Variants in PCTP observed in about 807,000 individuals in gnomAD.
PCTP encodes the protein START domain-containing protein 2.
PCTP carries 27 observed loss-of-function variants against 31.0 expected under a neutral mutation model. The ratio of observed to expected loss-of-function variants is 0.87; its 90% confidence interval spans 0.64 to 1.20. The LOEUF is 1.20. Among genes scored for constraint, PCTP ranks in the 50% most tolerant of loss-of-function variants. The pLI, the probability that PCTP is intolerant of heterozygous loss-of-function variation, is 0.00. For missense variants in PCTP, 287 were observed against 268.2 expected, an observed-to-expected ratio of 1.07 and a Z score of -0.49; for synonymous variants, 108 against 101.2, an observed-to-expected ratio of 1.07 and a Z score of -0.40.
chr17:55,758,582 G>A (rs574287536), intron 1 of PCTP, among the ~76,000 whole-genome samples: 14 of 152,236 alleles, frequency 9.2e-5, no homozygotes, highest in Non-Finnish European at 1.6e-4. Context: ...GATTACCAGC[G>A]TGATTGATAG....
At chr17:55,803,891 G>GC (rs1912479643) in intron 3 of PCTP, among the ~76,000 whole-genome samples, 1 of 125,194 alleles carries the variant, frequency 8.0e-6, no homozygotes, top group Admixed American at 7.5e-5. Flanking sequence ...CTTCTGCAGA[G>GC]CAAAAAAAAA....
rs572274694 is a variant in PCTP, at chr17:55,841,523, G to C, written n.506-1204G>C. ...TAAAACATTCTTGAGTCACTACTTT[G>C]GTATTGCCACTGAGAAGAGCTCTCC... On this transcript the variant is annotated intron_variant and non_coding_transcript_variant, in intron 5 of 5. Transcript: ENST00000576221. Among the ~76,000 whole-genome samples, 22 of 152,224 alleles carry C rather than the reference G, an allele frequency of 1.4e-4. 1 individual carries two copies. In the South Asian group the frequency reaches 4.6e-3, roughly 32 times the overall value.
chr17:55,848,039 C>T, the PCTP span, among the ~76,000 whole-genome samples: 1 of 152,152 alleles, frequency 6.6e-6, no homozygotes, highest in African/African-American at 2.4e-5. Context: ...TCTCATGCTT[C>T]AGCCTCCTGA....
At chr17:55,832,951 T>A (rs985518692) in intron 5 of PCTP, among the ~76,000 whole-genome samples, 12 of 152,188 alleles carry the variant, frequency 7.9e-5, no homozygotes, top group Admixed American at 3.9e-4. Flanking sequence ...GAGACCATCC[T>A]TCTCCTCTGG....
chr17:55,753,032 T>A (rs1223071853), intron 1 of PCTP, among the ~76,000 whole-genome samples: 3 of 152,244 alleles, frequency 2.0e-5, no homozygotes, highest in African/African-American at 7.2e-5. Context: ...ATTACAGGGA[T>A]GAGCCACCAC....
intron 3 of PCTP, among the ~76,000 whole-genome samples, chr17:55,816,308 T>C (rs1274233967): frequency 6.6e-6 from 1 of 152,324 alleles, no homozygotes; most frequent in Middle Eastern, 3.4e-3. Context: ...AATTTTTGAC[T>C]CTATGAAATT....
chr17:55,817,548 GGTGCTCCTGCT>G (rs1912963731), intron 3 of PCTP, among the ~76,000 whole-genome samples: 1 of 152,156 alleles, frequency 6.6e-6, no homozygotes, highest in African/African-American at 2.4e-5. Flanking sequence ...AGAATGGGAG[GGTGCTCCTGCT>G]GTGCATTTAA....
intron 3 of PCTP, among the ~76,000 whole-genome samples, chr17:55,815,756 C>G (rs184488927): frequency 6.6e-6 from 1 of 152,172 alleles, no homozygotes; most frequent in Non-Finnish European, 1.5e-5. Context: ...GCATCGGGAA[C>G]CTGCCAACAG....
At chr17:55,840,182 G>C (rs892233074) in intron 5 of PCTP, among the ~76,000 whole-genome samples, 7 of 152,078 alleles carry the variant, frequency 4.6e-5, no homozygotes, top group South Asian at 4.1e-4. Flanking sequence ...GGGACAGGGT[G>C]GGGGTGGAAA....
chr17:55,798,319 G>C (rs1912253534), intron 3 of PCTP, among the ~76,000 whole-genome samples: 1 of 151,984 alleles, frequency 6.6e-6, no homozygotes, highest in Admixed American at 6.6e-5. Flanking sequence ...TGGCTGAACA[G>C]CTTATACAAT....
downstream of PCTP, among the ~76,000 whole-genome samples, chr17:55,844,618 T>C (rs1041434539): frequency 6.6e-6 from 1 of 152,020 alleles, no homozygotes; most frequent in East Asian, 1.9e-4. Flanking sequence ...AGAATTATCA[T>C]TTAGGTTCTC....
At chr17:55,835,387 T>G (rs1278089624) in intron 5 of PCTP, among the ~76,000 whole-genome samples, 1 of 152,234 alleles carries the variant, frequency 6.6e-6, no homozygotes, top group Non-Finnish European at 1.5e-5. Flanking sequence ...TTTCCTAGCT[T>G]GGTTCACGAC....
chr17:55,805,594 A>T (rs920520445), intron 3 of PCTP, among the ~76,000 whole-genome samples: 1 of 151,946 alleles, frequency 6.6e-6, no homozygotes, highest in Admixed American at 6.6e-5. Flanking sequence ...ATATATGTAT[A>T]TATATACATA....
Position 55,835,583 on chromosome 17 carries a change from T to G in PCTP, n.506-7144T>G, listed in dbSNP as rs1438632883. On this transcript the variant is annotated intron_variant and non_coding_transcript_variant, in intron 5 of 5. Coordinates refer to the PCTP transcript ENST00000576221. Reference sequence around the variant, plus strand: ...GGATAGAAACTTAAATATGGAGGATTTATTAGCTTAGAAGTATAAAATGCA... The same window carrying G: ...GGATAGAAACTTAAATATGGAGGATGTATTAGCTTAGAAGTATAAAATGCA... Among the ~76,000 whole-genome samples the G allele has an allele frequency of 2.0e-5, 3 of 152,230 alleles. No individual in the cohort carries two copies. The East Asian group carries it at 5.8e-4, about 29-fold the overall frequency.
At chr17:55,796,671 G>T (rs1254318063) in intron 3 of PCTP, among the ~76,000 whole-genome samples, 1 of 151,934 alleles carries the variant, frequency 6.6e-6, no homozygotes, top group African/African-American at 2.4e-5. Context: ...GTTTATATAT[G>T]ATTATGATCT....
chr17:55,777,562 CTG>C (rs1386136105), downstream of PCTP, among the ~76,000 whole-genome samples: 4 of 152,184 alleles, frequency 2.6e-5, no homozygotes, highest in Non-Finnish European at 5.9e-5. Context: ...GGTGCTCAAA[CTG>C]AGATTAGAAT....
At chr17:55,792,602 T>G (rs1054756198) in intron 3 of PCTP, among the ~76,000 whole-genome samples, 10 of 152,162 alleles carry the variant, frequency 6.6e-5, no homozygotes, top group African/African-American at 2.4e-4. Flanking sequence ...CAGGTACTTC[T>G]TAGAGATAAT....
intron 3 of PCTP, among the ~76,000 whole-genome samples, chr17:55,793,290 G>A (rs11868867): frequency 0.16 from 24,405 of 152,010 alleles, 4,695 homozygotes; most frequent in African/African-American, 0.46. Context: ...AACACTTGGG[G>A]AGGATGAGGG....
chr17:55,776,468 T>C lies in PCTP; in HGVS notation c.*368T>C. On this transcript the variant is annotated 3_prime_UTR_variant, in exon 6 of 6. Transcript: ENST00000268896. ...ATTCCATTGTGCAATTTTACGGGGA[T>C]GGGTGGGCGGAGGGACACAACAAAA... 1.6e-6 allele frequency: 2 copies of C among 1,232,260 alleles called. No individual in the cohort carries two copies. Among genetic ancestry groups the C allele is most frequent in the Non-Finnish European group, 2.0e-6 (2 of 988,344 alleles). 76.3% of individuals were successfully genotyped at this position (1,232,260 alleles called of 1,614,324 possible). A position where few individuals can be genotyped will look rare whatever the true frequency, so the allele number is the denominator to read the frequency against.
Sources: gnomAD v4.1 joint callset for allele counts (sites outside exome capture counted in the v4.1 genomes callset) on GRCh38, gnomAD v4.1.1 for gene constraint, MANE v1.5 for transcripts, NCBI Gene and HGNC (gene_info 2026-07-23, HGNC 2026-07-21) for gene names.